The following RAD50 variants were observed in gnomAD, a reference collection of about 807,000 sequenced individuals.
RAD50 encodes the protein DNA repair protein RAD50.
A neutral mutation model predicts 168.8 loss-of-function variants in RAD50; 132 were observed. The ratio of observed to expected loss-of-function variants is 0.78; its 90% CI spans 0.68 to 0.90. The LOEUF is 0.90. Ranked by LOEUF, RAD50 falls within the 40% of genes least tolerant of loss-of-function variation. The pLI is 0.00. For missense variants in RAD50, 1,347 were observed against 1,534.4 expected (o/e 0.88, Z 2.04); for synonymous variants, 525 against 497.4 (o/e 1.06, Z -0.74).
intron 21 of RAD50, among the ~76,000 whole-genome samples, chr5:132,623,704 G>A (rs1751323927): frequency 6.6e-6 from 1 of 152,140 alleles, no homozygotes; most frequent in African/African-American, 2.4e-5. Flanking sequence ...TTAGATTTTG[G>A]TGGTGGTTGT....
At chr5:132,592,793 C>T (rs1333317090) in intron 11 of RAD50, 2 of 470,622 alleles carry the variant, frequency 4.2e-6, no homozygotes, top group Admixed American at 2.3e-5. Flanking sequence ...CATTCCATCA[C>T]CTCCTGTTAC....
chr5:132,613,063 C>G (rs1042497495), intron 19 of RAD50, among the ~76,000 whole-genome samples: 21 of 151,500 alleles, frequency 1.4e-4, no homozygotes, highest in Admixed American at 9.9e-4. Flanking sequence ...GTAATCTGTT[C>G]AGCATGCCAC....
intron 2 of RAD50, among the ~76,000 whole-genome samples, chr5:132,562,551 T>G (rs1159848909): frequency 6.6e-6 from 1 of 152,090 alleles, no homozygotes; most frequent in African/African-American, 2.4e-5. Context: ...TAAAATAGTT[T>G]TGTCATTTAT....
chr5:132,644,465 C>G lies in RAD50; in HGVS notation c.*2101C>G, dbSNP rs988111640. The G allele has an allele frequency of 5.7e-6, 1 of 176,082 alleles. No individual in the cohort carries two copies. The highest frequency in any genetic ancestry group is 1.2e-5 in the Non-Finnish European group (1 of 81,728). 10.9% of individuals were successfully genotyped at this position (176,082 alleles called of 1,614,324 possible). On this transcript the variant is annotated 3_prime_UTR_variant, in exon 25 of 25. Transcript: ENST00000378823. ...GGGGACCTTGAGCAAGTTATTTGTC[C>G]TGTTTTCTGTTTCCTTATATGTAAA...
chr5:132,640,925 ACTTCT>A, intron 24 of RAD50, 120 bp downstream of exon 24: 4 of 1,538,226 alleles, frequency 2.6e-6, no homozygotes, highest in Non-Finnish European at 3.6e-6. Flanking sequence ...TGTGTTCCCC[ACTTCT>A]TGGGGAAGCC....
intron 20 of RAD50, among the ~76,000 whole-genome samples, chr5:132,617,196 G>C (rs1751194524): frequency 6.6e-6 from 1 of 152,124 alleles, no homozygotes; most frequent in Admixed American, 6.5e-5. Context: ...AATGCTTCTA[G>C]AAGAAATTTT....
At chr5:132,637,492 A>G (rs1434949138) in intron 22 of RAD50, among the ~76,000 whole-genome samples, 1 of 152,114 alleles carries the variant, frequency 6.6e-6, no homozygotes, top group Non-Finnish European at 1.5e-5. Flanking sequence ...TGCAATAAGA[A>G]AAACCATCCA....
intron 1 of RAD50, among the ~76,000 whole-genome samples, chr5:132,557,999 C>A (rs1029935653): frequency 6.7e-6 from 1 of 149,876 alleles, no homozygotes; most frequent in African/African-American, 2.5e-5. Flanking sequence ...CGTTGGTGCA[C>A]GACTGACTTT....
intron 12 of RAD50, 110 bp downstream of exon 12, chr5:132,595,154 C>A: frequency 2.5e-6 from 3 of 1,199,904 alleles, no homozygotes; most frequent in Non-Finnish European, 3.6e-6. Flanking sequence ...AGCCTAATGG[C>A]TTGGATTTCA....
At chr5:132,584,906 G>A (rs1437555758) in intron 5 of RAD50, among the ~76,000 whole-genome samples, 1 of 143,506 alleles carries the variant, frequency 7.0e-6, no homozygotes, top group Non-Finnish European at 1.5e-5. Flanking sequence ...GAGAACACTT[G>A]GACAGACACA....
At chr5:132,624,104 T>C (rs1751330494) in intron 21 of RAD50, among the ~76,000 whole-genome samples, 1 of 152,224 alleles carries the variant, frequency 6.6e-6, no homozygotes, top group African/African-American at 2.4e-5. Flanking sequence ...TTGAGAGTAT[T>C]CCATGGATAT....
At chr5:132,601,531 AACT>A (rs1257478402) in intron 13 of RAD50, among the ~76,000 whole-genome samples, 1 of 152,224 alleles carries the variant, frequency 6.6e-6, no homozygotes, top group Non-Finnish European at 1.5e-5. Context: ...ATTTAAGGCC[AACT>A]ACTAATCTGT....
rs771525293 is a variant in RAD50, at chr5:132,594,912, A to G, written c.1837A>G (p.Asn613Asp). The stretch of plus-strand genomic sequence containing the variant: ...TGAGCAGAATAAAAATCATATAAAT[A>G]ATGAACTAAAAAGAAAGGAAGAGCA... ...SSEQNKNHINNELKRKEEQLS... is the reference protein window; with the variant it reads ...SSEQNKNHINDELKRKEEQLS... The change falls in exon 12 of 25, where the codon AAT becomes GAT. Residue 613 changes from asparagine (N) to aspartate (D), a missense_variant. Transcript: ENST00000378823. 5.0e-6 allele frequency: 8 copies of G among 1,606,928 alleles called. No individual in the cohort carries two copies. The highest frequency in any genetic ancestry group is 6.0e-6 in the Non-Finnish European group (7 of 1,173,582).
chr5:132,622,458 C>T (rs1486814225), intron 21 of RAD50, among the ~76,000 whole-genome samples: 1 of 152,032 alleles, frequency 6.6e-6, no homozygotes, highest in Non-Finnish European at 1.5e-5. Flanking sequence ...TGCGCCAGGC[C>T]TATGATGTAT....
intron 21 of RAD50, among the ~76,000 whole-genome samples, chr5:132,627,464 G>C (rs879369836): frequency 6.6e-6 from 1 of 152,162 alleles, no homozygotes; most frequent in Non-Finnish European, 1.5e-5. Context: ...AACAATGTGA[G>C]CATAACAGAT....
chr5:132,557,709 G>T (rs539796041), intron 1 of RAD50, among the ~76,000 whole-genome samples: 16 of 152,076 alleles, frequency 1.1e-4, no homozygotes, highest in Non-Finnish European at 2.1e-4. Flanking sequence ...AGCTGTCGCC[G>T]CTCACTCAGA....
Position 132,628,335 on chromosome 5 carries a change from T to C in RAD50, c.3390-8780T>C, listed in dbSNP as rs114906409. The stretch of plus-strand genomic sequence containing the variant: ...GCAAATCCAGTAAATAAGCAGCTGG[T>C]GATGTGGGAAAAGATTTTAAAAGAT... On this transcript the variant is annotated intron_variant, in intron 21 of 24. Transcript: ENST00000378823. 3.7e-3 allele frequency among the ~76,000 whole-genome samples: 558 copies of C among 152,088 alleles called. 2 individuals are homozygous for C. The highest frequency in any genetic ancestry group is 0.013 in the African/African-American group (540 of 41,480).
rs587782384 is a variant in RAD50 at position 132,579,317 on chromosome 5, G to C, written c.366G>C (p.Lys122Asn). The C allele has an allele frequency of 9.9e-6, 16 of 1,613,146 alleles. No individual in the cohort carries two copies. Among genetic ancestry groups the C allele is most frequent in the African/African-American group, 1.3e-5 (1 of 74,876 alleles). ...TATTCTTGATTTTCATTTTCTGTAG[G>C]CATGGTGAAAAGGTCAGTCTGAGCT... ...KTLEGVITRT[K>N]HGEKVSLSSK... The change falls in exon 4 of 25, where the codon AAG becomes AAC. Residue 122 changes from lysine to asparagine, a missense_variant and splice_region_variant. By Grantham distance (94) the Lys-to-Asn change is moderately conservative. Coordinates refer to ENST00000378823, the MANE Select transcript of RAD50 (RefSeq NM_005732.4).
chr5:132,595,485 T>C, intron 12 of RAD50, 88 bp from the exon 13 acceptor site: 2 of 810,270 alleles, frequency 2.5e-6, no homozygotes, highest in South Asian at 1.8e-5. Flanking sequence ...AATAATCATA[T>C]ATTTATAGAA....
Sources: gnomAD v4.1 joint callset for allele counts (sites outside exome capture counted in the v4.1 genomes callset) on GRCh38, gnomAD v4.1.1 for gene constraint, MANE v1.5 for transcripts, NCBI Gene and HGNC (gene_info 2026-07-23, HGNC 2026-07-21) for gene names.